Variants in SURF6 observed in about 807,000 individuals in gnomAD.
The protein encoded by SURF6 is surfeit locus protein 6.
In SURF6, 28 loss-of-function variants were observed where a neutral mutation model predicts 37.5. The observed-to-expected ratio is 0.75, with a 90% CI of 0.55 to 1.02. The LOEUF (loss-of-function observed/expected upper bound fraction) is 1.02, where lower values mean the gene tolerates loss of function less well. SURF6 is among the 50% of genes least tolerant of loss of function. The pLI, the probability that SURF6 is intolerant of heterozygous loss-of-function variation, is 0.00. For missense variants in SURF6, 560 were observed against 490.5 expected (o/e 1.14, Z -1.34); for synonymous variants, 248 against 210.9 (o/e 1.18, Z -1.52).
rs2129914647 is a variant in SURF6, at chr9:133,332,066, CCTTGCGCTTCAG to C, written c.877_888del (p.Leu293_Lys296del). On this transcript the variant is annotated inframe_deletion, in exon 5 of 5. Coordinates refer to ENST00000372022, the MANE Select transcript of SURF6 (RefSeq NM_006753.6). ...CGCTGCCGCTGCGCCCTGCGCTTCT[CCTTGCGCTTCAG>C]GGCCTCCTGCAGCAGGCGTTCGTCG... 2 of 1,606,608 alleles carry C rather than the reference CCTTGCGCTTCAG, an allele frequency of 1.2e-6. No individual in the cohort carries two copies. The highest frequency in any genetic ancestry group is 1.1e-5 in the South Asian group (1 of 91,074).
intron 3 of SURF6, among the ~76,000 whole-genome samples, chr9:133,333,421 T>G (rs1835796615): frequency 6.6e-6 from 1 of 152,156 alleles, no homozygotes. Context: ...GCCTGGCCAC[T>G]CAGCTCAAGT....
At chr9:133,332,967 C>T (rs1270540718) in intron 3 of SURF6, 12 of 601,470 alleles carry the variant, frequency 2.0e-5, no homozygotes, top group Admixed American at 3.0e-5. Context: ...ATAAGAATCA[C>T]AGCTTCCAAT....
rs2129917947 is a variant in SURF6, at chr9:133,332,358, A to G, written c.607-10T>C. ...CTTCGCTCACCTCCACCTGGGAGGA[A>G]GGTATGACATCAGCTCATGCCAGCC... On this transcript the variant is annotated splice_polypyrimidine_tract_variant and intron_variant, in intron 4 of 4. Transcript: ENST00000372022. 4 of 1,566,744 alleles carry G rather than the reference A, an allele frequency of 2.6e-6. No homozygotes were observed. The South Asian group carries it at 4.7e-5, about 18-fold the overall frequency.
In SURF6 at chr9:133,331,771, A is replaced by T; in HGVS notation, c.*98T>A. On this transcript the variant is annotated 3_prime_UTR_variant, in exon 5 of 5. Transcript: ENST00000372022. The stretch of plus-strand genomic sequence containing the variant: ...GTGTCCCCCTCACATGGAGAGGCCG[A>T]GGTCTGTGGAGATCCTGGGACAGAG... The T allele has an allele frequency of 7.0e-7, 1 of 1,425,932 alleles. No homozygotes were observed. Among genetic ancestry groups the T allele is most frequent in the South Asian group, 1.5e-5 (1 of 64,750 alleles). 88.3% of individuals were successfully genotyped at this position (1,425,932 alleles called of 1,614,324 possible). A position where few individuals can be genotyped will look rare whatever the true frequency, so the allele number is the denominator to read the frequency against.
intron 1 of SURF6, among the ~76,000 whole-genome samples, chr9:133,335,186 C>T (rs2129930195): frequency 0.025 from 3,804 of 152,200 alleles, 142 homozygotes; most frequent in African/African-American, 0.086. Context: ...TCTTGATCTT[C>T]TGATCTTGTG....
rs946645167 is a variant in SURF6 at position 133,331,796 on chromosome 9, G to C, written c.*73C>G. The C allele has an allele frequency of 7.5e-6, 11 of 1,469,930 alleles. No homozygotes were observed. The Admixed American group carries it at 2.0e-4, about 26-fold the overall frequency. 91.1% of individuals were successfully genotyped at this position (1,469,930 alleles called of 1,614,324 possible). On this transcript the variant is annotated 3_prime_UTR_variant, in exon 5 of 5. Coordinates refer to ENST00000372022, the MANE Select transcript of SURF6 (RefSeq NM_006753.6). ...AGGTCTGTGGAGATCCTGGGACAGA[G>C]CCAGCGTCAAGGACTCAGAGGGTGT...
At position 133,332,581 on chromosome 9, in the gene SURF6, C is replaced by T. The variant is rs1385319573; in HGVS notation, c.573G>A (p.Glu191=). The T allele has an allele frequency of 3.1e-6, 5 of 1,609,440 alleles. No homozygotes were observed. The Admixed American group carries it at 6.7e-5, about 21-fold the overall frequency. The stretch of plus-strand genomic sequence containing the variant: ...AGATCAGCCCGGGCGGCTCCCGCGG[C>T]TCCGTGCAGGCCCCCTCTGGGGTTG... ...VEATPEGACT[E]PREPPGLIFN... Residue 191 remains glutamate, a synonymous_variant, in exon 4 of 5, where the codon GAG becomes GAA. Transcript: ENST00000372022.
At position 133,329,667 on chromosome 9, in the gene SURF6, T is replaced by C. The variant is rs1835676475; in HGVS notation, c.*2202A>G. 1 of 152,500 alleles carries C rather than the reference T, an allele frequency of 6.6e-6. No individual in the cohort carries two copies. The highest frequency in any genetic ancestry group is 2.0e-4 in the South Asian group (1 of 4,890). 9.4% of individuals were successfully genotyped at this position (152,500 alleles called of 1,614,324 possible). ...TTATAGAGCGAGGATTATTATAATATTGGAATAAAAGGTAATTGCTACAAA... is the reference window on the plus strand; with the variant it reads ...TTATAGAGCGAGGATTATTATAATACTGGAATAAAAGGTAATTGCTACAAA... On this transcript the variant is annotated 3_prime_UTR_variant, in exon 5 of 5. Coordinates refer to ENST00000372022, the MANE Select transcript of SURF6 (RefSeq NM_006753.6).
chr9:133,331,729 C>G lies in SURF6; in HGVS notation c.*140G>C. 8.6e-7 allele frequency: 1 copy of G among 1,163,612 alleles called. No individual in the cohort carries two copies. The highest frequency in any genetic ancestry group is 1.1e-6 in the Non-Finnish European group (1 of 888,254). The allele number at this position is 1,163,612 out of a possible 1,614,324, so 72.1% of individuals were successfully genotyped here. A position where few individuals can be genotyped will look rare whatever the true frequency, so the allele number is the denominator to read the frequency against. ...GGATCTGTGATCTGGGCCCTCACAACTCAGCAGAGCACCACTGTGTCCCCC... is the reference window on the plus strand; with the variant it reads ...GGATCTGTGATCTGGGCCCTCACAAGTCAGCAGAGCACCACTGTGTCCCCC... On this transcript the variant is annotated 3_prime_UTR_variant, in exon 5 of 5. Transcript: ENST00000372022.
rs2129915156 is a variant in SURF6 at position 133,332,106 on chromosome 9, A to T, written c.849T>A (p.Arg283=). The T allele has an allele frequency of 8.1e-6, 13 of 1,609,674 alleles. No individual in the cohort carries two copies. In the African/African-American group the frequency reaches 1.7e-4, roughly 21 times the overall value. The change falls in exon 5 of 5, where the codon CGT becomes CGA. Residue 283 remains arginine, a synonymous_variant. Transcript: ENST00000372022. ...CCTCCTGCAGCAGGCGTTCGTCGTC[A>T]CGGATCTTCACGCCCTCCGCCTTGT... ...LLYKAEGVKI[R]DDERLLQEAL...
At position 133,331,560 on chromosome 9, in the gene SURF6, T is replaced by A; in HGVS notation, c.*309A>T. The stretch of plus-strand genomic sequence containing the variant: ...AGTGACTGCCCACCCCCACCGTTCC[T>A]CCTCCCTGACCCTGCAAACCTCGGG... On this transcript the variant is annotated 3_prime_UTR_variant, in exon 5 of 5. Coordinates refer to ENST00000372022, the MANE Select transcript of SURF6 (RefSeq NM_006753.6). The A allele has an allele frequency of 3.0e-6, 1 of 336,634 alleles. No homozygotes were observed. 20.9% of individuals were successfully genotyped at this position (336,634 alleles called of 1,614,324 possible).
chr9:133,335,395 A>T (rs1835848913), intron 1 of SURF6, among the ~76,000 whole-genome samples: 1 of 152,202 alleles, frequency 6.6e-6, no homozygotes, highest in Non-Finnish European at 1.5e-5. Context: ...AATTCACTTA[A>T]GATTTTGGAT....
chr9:133,332,152 A>C lies in SURF6; in HGVS notation c.803T>G (p.Met268Arg), dbSNP rs2129915576. ...CTTGTAGAGGAGGTTGGTCCACTTC[A>C]TCTTCGCCTCCAGCTCCTGCGCCTT... The part of the protein sequence containing the change: ...EGKAQELEAK[M>R]KWTNLLYKAE... The change falls in exon 5 of 5, where the codon ATG becomes AGG. Residue 268 changes from methionine (M) to arginine (R), a missense_variant. Physicochemically the swap from Met to Arg is moderately conservative, Grantham distance 91 (BLOSUM62 -1). Transcript: ENST00000372022. The C allele has an allele frequency of 6.2e-7, 1 of 1,610,824 alleles. No homozygotes were observed. Among genetic ancestry groups the C allele is most frequent in the Non-Finnish European group, 8.5e-7 (1 of 1,179,894 alleles).
Position 133,329,449 on chromosome 9 carries a change from A to C in SURF6, c.*2420T>G, listed in dbSNP as rs1835666366. On this transcript the variant is annotated 3_prime_UTR_variant, in exon 5 of 5. Transcript: ENST00000372022. ...TAAGTAGCGGGTGTTGTTCCTTGAT[A>C]CTTTTTGCTACTGCTAGACCATGGT... 1 of 286,318 alleles carries C rather than the reference A, an allele frequency of 3.5e-6. No individual in the cohort carries two copies. Among genetic ancestry groups the C allele is most frequent in the Non-Finnish European group, 7.2e-6 (1 of 139,246 alleles). The allele number at this position is 286,318 out of a possible 1,614,324, so 17.7% of individuals were successfully genotyped here.
At position 133,332,313 on chromosome 9, in the gene SURF6, C is replaced by T. The variant is rs2129917509; in HGVS notation, c.642G>A (p.Ala214=). 1.4e-5 allele frequency: 23 copies of T among 1,591,840 alleles called. No individual in the cohort carries two copies. Among genetic ancestry groups the T allele is most frequent in the East Asian group, 2.2e-5 (1 of 44,634 alleles). Residue 214 remains alanine (A), a synonymous_variant, in exon 5 of 5, where the codon GCG becomes GCA. Transcript: ENST00000372022. The part of the protein sequence containing the change: ...EVSEDEPASK[A]QRRKEKRQRV... ...TCTGCCTCTTCTCTTTTCTGCGCTG[C>T]GCCTTGCTGGCCGGCTCGTCTTCGC...
chr9:133,334,784 C>A lies in SURF6; in HGVS notation c.95-183G>T, dbSNP rs144573457. Among the ~76,000 whole-genome samples, 239 of 152,112 alleles carry A rather than the reference C, an allele frequency of 1.6e-3. 1 individual carries two copies. Among genetic ancestry groups the A allele is most frequent in the African/African-American group, 5.5e-3 (227 of 41,482 alleles). On this transcript the variant is annotated intron_variant, in intron 1 of 4. Transcript: ENST00000372022. The stretch of plus-strand genomic sequence containing the variant: ...CCCAGTAGTTCTGCTTGTGAGAATT[C>A]ATCAGGCACAAAGATGAGGCTTCAA...
Position 133,332,565 on chromosome 9 carries a change from C to T in SURF6, c.589G>A (p.Gly197Arg), listed in dbSNP as rs2129919132. 8 of 1,608,994 alleles carry T rather than the reference C, an allele frequency of 5.0e-6. No homozygotes were observed. The highest frequency in any genetic ancestry group is 1.7e-5 in the Admixed American group (1 of 60,006). The change falls in exon 4 of 5, where the codon GGG (glycine) becomes AGG (arginine). Residue 197 changes from glycine (G) to arginine (R), a missense_variant. By Grantham distance (125) the Gly-to-Arg change is moderately radical (BLOSUM62 -2). Coordinates refer to ENST00000372022, the MANE Select transcript of SURF6 (RefSeq NM_006753.6). ...GACTEPREPP[G>R]LIFNKVEVSE... is the part of the protein sequence containing the mutation. Reference sequence around the variant, plus strand: ...CCGCTCACCTTATTGAAGATCAGCCCGGGCGGCTCCCGCGGCTCCGTGCAG... The same window carrying T: ...CCGCTCACCTTATTGAAGATCAGCCTGGGCGGCTCCCGCGGCTCCGTGCAG...
chr9:133,334,667 TCAC>T (rs1325997129), intron 1 of SURF6, 66 bp from the exon 2 acceptor site: 1 of 1,562,446 alleles, frequency 6.4e-7, no homozygotes. Context: ...CAGGAAAGGC[TCAC>T]CAAGGCTTTG....
At chr9:133,334,302 C>CT (rs1180078203) in intron 2 of SURF6, 90 bp downstream of exon 2, 2,119 of 1,243,342 alleles carry the variant, frequency 1.7e-3, no homozygotes, top group Non-Finnish European at 2.0e-3. Context: ...CCTGCTGCTG[C>CT]TTTTTTTTTC....
Sources: allele counts gnomAD v4.1 joint callset (sites outside exome capture counted in the v4.1 genomes callset), GRCh38; gene constraint gnomAD v4.1.1; transcripts MANE v1.5; gene names NCBI Gene and HGNC (gene_info 2026-07-23, HGNC 2026-07-21).